The following GPR158 variants were observed in gnomAD, a reference collection of about 807,000 sequenced individuals.
The protein encoded by GPR158 is metabotropic glycine receptor.
A neutral mutation model predicts 78.2 loss-of-function variants in GPR158; 30 were observed. That is an observed-to-expected ratio of 0.38 (90% CI 0.29 to 0.52). The LOEUF (loss-of-function observed/expected upper bound fraction) is 0.52. GPR158 is among the 20% of genes least tolerant of loss of function. GPR158 has a pLI of 0.83. For missense variants in GPR158, 1,463 were observed against 1,523.5 expected, an observed-to-expected ratio of 0.96 and a Z score of 0.66; for synonymous variants, 581 against 591.1, an observed-to-expected ratio of 0.98 and a Z score of 0.25.
Position 25,598,600 on chromosome 10 carries a change from C to A in GPR158, c.2974C>A (p.Pro992Thr). 2 of 1,613,976 alleles carry A rather than the reference C, an allele frequency of 1.2e-6. No individual in the cohort carries two copies. The highest frequency in any genetic ancestry group is 4.5e-5 in the East Asian group (2 of 44,850). The change falls in exon 11 of 11, where the codon CCA becomes ACA. Residue 992 changes from proline to threonine, a missense_variant. Pro to Thr is a conservative substitution (Grantham distance 38). Coordinates refer to ENST00000376351, the MANE Select transcript of GPR158 (RefSeq NM_020752.3). ...CACCACTGCCAATTCTGACCTGAACCCAGGCACCACCCAGATGAAGGACAA... is the reference window on the plus strand; with the variant it reads ...CACCACTGCCAATTCTGACCTGAACACAGGCACCACCCAGATGAAGGACAA... ...NPTTANSDLN[P>T]GTTQMKDNFD...
chr10:25,201,079 G>A (rs1046029425), intron 1 of GPR158, among the ~76,000 whole-genome samples: 7 of 151,844 alleles, frequency 4.6e-5, no homozygotes, highest in Non-Finnish European at 8.8e-5. Context: ...CACTGAATCC[G>A]TAAATTGCTT....
chr10:25,376,904 A>C (rs1051750638), intron 2 of GPR158, among the ~76,000 whole-genome samples: 2 of 151,564 alleles, frequency 1.3e-5, no homozygotes, highest in Admixed American at 6.6e-5. Flanking sequence ...ACATATATAT[A>C]CATATGATTA....
intron 3 of GPR158, 147 bp from the exon 4 acceptor site, chr10:25,412,103 A>T: frequency 4.8e-6 from 3 of 629,184 alleles, no homozygotes; most frequent in Non-Finnish European, 5.8e-6. Flanking sequence ...AAGGAAAAGT[A>T]ACTCCTTCCC....
chr10:25,359,888 A>C (rs974236645), intron 2 of GPR158, among the ~76,000 whole-genome samples: 1 of 152,216 alleles, frequency 6.6e-6, no homozygotes, highest in Non-Finnish European at 1.5e-5. Flanking sequence ...ACAGTGTAAA[A>C]GAATTCCTAT....
intron 5 of GPR158, among the ~76,000 whole-genome samples, chr10:25,514,759 C>T (rs113378103): frequency 2.0e-5 from 3 of 152,186 alleles, no homozygotes; most frequent in Non-Finnish European, 2.9e-5. Flanking sequence ...CTGTTTCTTT[C>T]CTTCATTTAT....
At chr10:25,316,438 T>C (rs1020781066) in intron 2 of GPR158, among the ~76,000 whole-genome samples, 1 of 152,202 alleles carries the variant, frequency 6.6e-6, no homozygotes, top group Non-Finnish European at 1.5e-5. Flanking sequence ...CATTTGCAAA[T>C]GGTTGCAAGA....
intron 2 of GPR158, among the ~76,000 whole-genome samples, chr10:25,294,253 A>G (rs1044357861): frequency 6.6e-6 from 1 of 152,020 alleles, no homozygotes; most frequent in African/African-American, 2.4e-5. Flanking sequence ...TTTTTCTTTC[A>G]AATAAAACAT....
At chr10:25,263,001 CTT>C (rs1853989612) in intron 2 of GPR158, among the ~76,000 whole-genome samples, 1 of 151,990 alleles carries the variant, frequency 6.6e-6, no homozygotes, top group African/African-American at 2.4e-5. Flanking sequence ...TGTGGCTTCT[CTT>C]TTTATTTTCT....
intron 2 of GPR158, among the ~76,000 whole-genome samples, chr10:25,302,805 A>G (rs1054148329): frequency 6.6e-6 from 1 of 152,174 alleles, no homozygotes; most frequent in Non-Finnish European, 1.5e-5. Flanking sequence ...GCTGTCTCTT[A>G]TGGTAGCTGC....
chr10:25,423,388 GT>G (rs1212863454), intron 4 of GPR158, among the ~76,000 whole-genome samples: 1 of 77,260 alleles, frequency 1.3e-5, no homozygotes, highest in Non-Finnish European at 3.6e-5. Flanking sequence ...TCTACTTTTA[GT>G]TCTTTTTTTT....
intron 5 of GPR158, 92 bp downstream of exon 5, chr10:25,466,811 C>T: frequency 4.6e-5 from 27 of 587,454 alleles, no homozygotes; most frequent in South Asian, 1.9e-4. Flanking sequence ...CACACATACA[C>T]ACACCCTGGT....
intron 2 of GPR158, among the ~76,000 whole-genome samples, chr10:25,299,119 T>C (rs988448979): frequency 1.3e-5 from 2 of 152,160 alleles, no homozygotes; most frequent in Non-Finnish European, 2.9e-5. Context: ...TCAGTATACA[T>C]TTTGTTTATT....
At chr10:25,451,939 A>G (rs992249059) in intron 4 of GPR158, among the ~76,000 whole-genome samples, 1 of 152,202 alleles carries the variant, frequency 6.6e-6, no homozygotes, top group East Asian at 1.9e-4. Context: ...ATATACTTCT[A>G]GGTCCCCGTT....
intron 2 of GPR158, among the ~76,000 whole-genome samples, chr10:25,324,047 T>C (rs1254075125): frequency 2.0e-5 from 3 of 152,226 alleles, no homozygotes; most frequent in Non-Finnish European, 4.4e-5. Flanking sequence ...GGGAATGTCA[T>C]GTCTGGATTT....
rs1004965644 is a variant in GPR158 at position 25,310,356 on chromosome 10, C to T, written c.1009-85555C>T. ...TTAGTCCTCCAAGTTTGTTCTTTTT[C>T]GGGATTGCTTTTGATATTTATATTC... On this transcript the variant is annotated intron_variant, in intron 2 of 10. Coordinates refer to ENST00000376351, the MANE Select transcript of GPR158 (RefSeq NM_020752.3). 3.3e-5 allele frequency among the ~76,000 whole-genome samples: 5 copies of T among 152,118 alleles called. No individual in the cohort carries two copies. In the East Asian group the frequency reaches 7.7e-4, roughly 24 times the overall value.
chr10:25,317,940 G>A (rs1854884327), intron 2 of GPR158, among the ~76,000 whole-genome samples: 1 of 152,072 alleles, frequency 6.6e-6, no homozygotes, highest in African/African-American at 2.4e-5. Flanking sequence ...TTTTGGCCAG[G>A]ATGGTCTCAA....
At chr10:25,384,932 A>C (rs1298734036) in intron 2 of GPR158, among the ~76,000 whole-genome samples, 3 of 152,182 alleles carry the variant, frequency 2.0e-5, no homozygotes, top group Admixed American at 6.5e-5. Context: ...TAGAAAGATC[A>C]TTTTGCTCTA....
chr10:25,348,043 T>C (rs915285498), intron 2 of GPR158, among the ~76,000 whole-genome samples: 4 of 151,948 alleles, frequency 2.6e-5, no homozygotes, highest in Non-Finnish European at 4.4e-5. Flanking sequence ...GCACGGCCTC[T>C]TCCTCCACAT....
At chr10:25,324,905 C>T (rs1402484962) in intron 2 of GPR158, among the ~76,000 whole-genome samples, 1 of 141,460 alleles carries the variant, frequency 7.1e-6, no homozygotes, top group Non-Finnish European at 1.5e-5. Flanking sequence ...GTGGCATGAT[C>T]ATAGCTCACT....
Sources: allele counts gnomAD v4.1 joint callset (sites outside exome capture counted in the v4.1 genomes callset), GRCh38; gene constraint gnomAD v4.1.1; transcripts MANE v1.5; gene names NCBI Gene and HGNC (gene_info 2026-07-23, HGNC 2026-07-21).